The following SP4 variants were observed in gnomAD, a reference collection of about 807,000 sequenced individuals.
The protein encoded by SP4 is transcription factor Sp4.
In SP4, 19 loss-of-function variants were observed where a neutral mutation model predicts 72.8. That is an observed-to-expected ratio of 0.26 (90% CI 0.18 to 0.38). The LOEUF is 0.38. Ranked by LOEUF, SP4 falls within the 10% of genes least tolerant of loss-of-function variation. The probability of loss-of-function intolerance (pLI) is 1.00; values close to 1 mark genes in which losing one functional copy is unlikely to be tolerated. For missense variants in SP4, 1,008 were observed against 926.3 expected (o/e 1.09, Z -1.14); for synonymous variants, 395 against 333.1 (o/e 1.19, Z -2.02).
At position 21,513,440 on chromosome 7, in the gene SP4, T is replaced by C. The variant is rs879641628; in HGVS notation, c.*2171T>C. The C allele has an allele frequency of 6.6e-6, 1 of 152,662 alleles. No homozygotes were observed. The highest frequency in any genetic ancestry group is 1.5e-5 in the Non-Finnish European group (1 of 68,036). 9.5% of individuals were successfully genotyped at this position (152,662 alleles called of 1,614,324 possible). On this transcript the variant is annotated 3_prime_UTR_variant, in exon 6 of 6. Transcript: ENST00000222584. ...ATGTACTCTTAACAACTGATGTATC[T>C]GGCTTTAAAACATCAGAATTGGTTT...
intron 5 of SP4, among the ~76,000 whole-genome samples, chr7:21,502,783 T>A (rs1258249672): frequency 6.6e-6 from 1 of 152,172 alleles, no homozygotes; most frequent in Non-Finnish European, 1.5e-5. Context: ...TACCAGACAC[T>A]TGGGGGGTTG....
At chr7:21,442,006 TTGTGTGTG>T (rs58100749) in intron 3 of SP4, among the ~76,000 whole-genome samples, 32,659 of 130,368 alleles carry the variant, frequency 0.25, 4,218 homozygotes, top group Middle Eastern at 0.46. Context: ...GTGTGTGTGT[TTGTGTGTG>T]TGTGTGTGTG....
chr7:21,477,243 C>A lies in SP4; in HGVS notation c.1843C>A (p.Gln615Lys). ...CCAGCAGACTTCTGATCAAGAGGTACAACCTGGCAAGAGGCTTCGAAGAGT... is the reference window on the plus strand; with the variant it reads ...CCAGCAGACTTCTGATCAAGAGGTAAAACCTGGCAAGAGGCTTCGAAGAGT... ...QGQQTSDQEV[Q>K]PGKRLRRVAC... Residue 615 changes from glutamine to lysine, a missense_variant, in exon 4 of 6, where the codon CAA becomes AAA. Transcript: ENST00000222584. 6.2e-7 allele frequency: 1 copy of A among 1,614,146 alleles called. No individual in the cohort carries two copies. The highest frequency in any genetic ancestry group is 8.5e-7 in the Non-Finnish European group (1 of 1,179,984).
chr7:21,472,692 A>C (rs1025061809), intron 3 of SP4, among the ~76,000 whole-genome samples: 4 of 151,836 alleles, frequency 2.6e-5, no homozygotes, highest in Non-Finnish European at 5.9e-5. Context: ...AATCTCAGCT[A>C]CTTGGGAGAC....
intron 2 of SP4, chr7:21,429,001 T>C (rs1278468947): frequency 3.4e-6 from 2 of 588,538 alleles, no homozygotes; most frequent in East Asian, 2.9e-5. Flanking sequence ...ATTCAGACTA[T>C]AAGAAAACGG....
At chr7:21,485,258 G>C (rs1196392235) in intron 5 of SP4, among the ~76,000 whole-genome samples, 2 of 151,902 alleles carry the variant, frequency 1.3e-5, no homozygotes, top group Non-Finnish European at 2.9e-5. Context: ...ACTACAAATA[G>C]AAACTTATTG....
intron 5 of SP4, among the ~76,000 whole-genome samples, chr7:21,497,790 A>G (rs1451979121): frequency 2.6e-5 from 4 of 152,218 alleles, no homozygotes; most frequent in Non-Finnish European, 4.4e-5. Context: ...AATAGCCTAA[A>G]TAAAGCATTT....
chr7:21,492,324 T>C (rs546418314), intron 5 of SP4, among the ~76,000 whole-genome samples: 1 of 152,342 alleles, frequency 6.6e-6, no homozygotes, highest in African/African-American at 2.4e-5. Flanking sequence ...ACTTTAATAA[T>C]TTTGTAAATT....
chr7:21,487,234 C>T (rs1037739413), intron 5 of SP4, among the ~76,000 whole-genome samples: 5 of 152,016 alleles, frequency 3.3e-5, no homozygotes, highest in Admixed American at 6.6e-5. Flanking sequence ...ACGCTAAGGG[C>T]GCCTTTTAAT....
chr7:21,451,291 A>G (rs1429779437), intron 3 of SP4, among the ~76,000 whole-genome samples: 1 of 152,178 alleles, frequency 6.6e-6, no homozygotes, highest in Non-Finnish European at 1.5e-5. Context: ...GTTTCTAGCT[A>G]CTGAGAGACT....
Position 21,505,716 on chromosome 7 carries a change from G to T in SP4, c.2108-5306G>T, listed in dbSNP as rs562002637. On this transcript the variant is annotated intron_variant, in intron 5 of 5. Coordinates refer to ENST00000222584, the MANE Select transcript of SP4 (RefSeq NM_003112.5). ...CACCACAGGGTGGTAGGTCTGGACA[G>T]TTTGATTTATAGCCCTTAGATCTTG... Among the ~76,000 whole-genome samples, 8 of 152,284 alleles carry T rather than the reference G, an allele frequency of 5.3e-5. No individual in the cohort carries two copies. The South Asian group carries it at 1.5e-3, about 28-fold the overall frequency.
chr7:21,478,703 T>C (rs1784588831), intron 4 of SP4, among the ~76,000 whole-genome samples: 1 of 152,212 alleles, frequency 6.6e-6, no homozygotes, highest in Non-Finnish European at 1.5e-5. Context: ...AATTATATTA[T>C]TTATTTTTCA....
At chr7:21,490,715 A>G (rs1020987017) in intron 5 of SP4, among the ~76,000 whole-genome samples, 1 of 152,180 alleles carries the variant, frequency 6.6e-6, no homozygotes, top group African/African-American at 2.4e-5. Context: ...ACTGGGCTCA[A>G]CCTTGAGCAT....
At chr7:21,432,345 A>G (rs966278610) in intron 3 of SP4, among the ~76,000 whole-genome samples, 3 of 152,242 alleles carry the variant, frequency 2.0e-5, no homozygotes, top group African/African-American at 7.2e-5. Context: ...GTAGTATTTC[A>G]GAAAAGTGTT....
At chr7:21,437,105 T>TA (rs1226383441) in intron 3 of SP4, among the ~76,000 whole-genome samples, 1 of 152,188 alleles carries the variant, frequency 6.6e-6, no homozygotes, top group Admixed American at 6.5e-5. Context: ...TGCTGCATGG[T>TA]AAAAAGTGTC....
intron 3 of SP4, among the ~76,000 whole-genome samples, chr7:21,474,555 A>G (rs1477087156): frequency 6.6e-6 from 1 of 152,240 alleles, no homozygotes; most frequent in Admixed American, 6.5e-5. Flanking sequence ...TACTGAATAC[A>G]TGTTCAAAAA....
intron 5 of SP4, among the ~76,000 whole-genome samples, chr7:21,504,460 G>C (rs1247051317): frequency 6.6e-6 from 1 of 152,052 alleles, no homozygotes; most frequent in African/African-American, 2.4e-5. Flanking sequence ...TCTCACATAG[G>C]GAGTGTTTAT....
At chr7:21,453,740 C>T (rs533561621) in intron 3 of SP4, among the ~76,000 whole-genome samples, 1 of 152,158 alleles carries the variant, frequency 6.6e-6, no homozygotes, top group East Asian at 1.9e-4. Flanking sequence ...TGTTAAAGAC[C>T]AGAAGAATGC....
intron 5 of SP4, among the ~76,000 whole-genome samples, chr7:21,503,346 T>G (rs370021583): frequency 2.6e-5 from 4 of 152,000 alleles, no homozygotes; most frequent in African/African-American, 9.7e-5. Flanking sequence ...ATCCCAAGTC[T>G]TTTATTGGTG....
Sources: gnomAD v4.1 joint callset for allele counts (sites outside exome capture counted in the v4.1 genomes callset) on GRCh38, gnomAD v4.1.1 for gene constraint, MANE v1.5 for transcripts, NCBI Gene and HGNC (gene_info 2026-07-23, HGNC 2026-07-21) for gene names.